The following COXFA4L2 variants were observed in gnomAD, a reference collection of about 807,000 sequenced individuals.
COXFA4L2 encodes the protein cytochrome c oxidase hypoxia associated subunit FA4L2.
chr12:57,235,657 C>T, the COXFA4L2 span: 1 of 1,613,776 alleles, frequency 6.2e-7, no homozygotes, highest in Non-Finnish European at 8.5e-7. Flanking sequence ...CTGAGTACCC[C>T]AAGCCTCCCT....
At chr12:57,235,613 C>T in the COXFA4L2 span, 4 of 1,614,054 alleles carry the variant, frequency 2.5e-6, no homozygotes, top group Admixed American at 5.0e-5. Context: ...GTGGAAACTG[C>T]AAGGAACTAA....
chr12:57,236,711 G>A, the COXFA4L2 span: 6 of 1,528,620 alleles, frequency 3.9e-6, no homozygotes, highest in Non-Finnish European at 5.3e-6. Flanking sequence ...CACTTTTGGG[G>A]TCAGCCCTCT....
At chr12:57,239,656 TTCTG>T in the COXFA4L2 span, 1 of 153,522 alleles carries the variant, frequency 6.5e-6, no homozygotes, top group Non-Finnish European at 1.4e-5. The surrounding 1 kb of genome is among the most constrained non-coding windows in gnomAD (Gnocchi z 5.5). Flanking sequence ...TCTTTCTGCC[TTCTG>T]TCTGCTTCCT....
the COXFA4L2 span, among the ~76,000 whole-genome samples, chr12:57,238,743 T>G: frequency 6.6e-6 from 1 of 152,206 alleles, no homozygotes; most frequent in Non-Finnish European, 1.5e-5. The surrounding 1 kb of genome is among the most constrained non-coding windows in gnomAD (Gnocchi z 6.8). Context: ...AAATTCTCCG[T>G]CGCGCTCCTT....
chr12:57,235,035 G>A, the COXFA4L2 span: 28 of 157,580 alleles, frequency 1.8e-4, no homozygotes, highest in Admixed American at 1.3e-3. Flanking sequence ...TGGCGGCAGC[G>A]GGAGGCAGTA....
At chr12:57,238,811 A>C in the COXFA4L2 span, among the ~76,000 whole-genome samples, 1 of 151,722 alleles carries the variant, frequency 6.6e-6, no homozygotes, top group Non-Finnish European at 1.5e-5. This position sits in a 1 kb window ranked among gnomAD's most constrained non-coding sequence, Gnocchi z 6.8. Context: ...ACCGAGATGC[A>C]ACGTTACATT....
the COXFA4L2 span, chr12:57,237,274 GGGGAA>G: frequency 1.4e-6 from 2 of 1,444,850 alleles, no homozygotes; most frequent in South Asian, 1.5e-5. Context: ...AAAGCCTGTA[GGGGAA>G]TTGTCTGGGA....
At chr12:57,237,785 GACTT>G in the COXFA4L2 span, 233 of 154,592 alleles carry the variant, frequency 1.5e-3, 1 homozygote, top group African/African-American at 5.4e-3. Flanking sequence ...AGGCTTGAGA[GACTT>G]GCTTGCTCTG....
the COXFA4L2 span, chr12:57,235,767 G>T: frequency 6.3e-7 from 1 of 1,584,736 alleles, no homozygotes; most frequent in African/African-American, 1.3e-5. Flanking sequence ...GGTCATTGGG[G>T]CTCAGGCGGT....
chr12:57,236,158 G>A, the COXFA4L2 span: 1 of 335,882 alleles, frequency 3.0e-6, no homozygotes, highest in Non-Finnish European at 5.4e-6. Context: ...GTGATGTGCC[G>A]GGAATTATAA....
chr12:57,236,384 AG>A, the COXFA4L2 span: 1 of 498,356 alleles, frequency 2.0e-6, no homozygotes, highest in Non-Finnish European at 3.5e-6. Flanking sequence ...TCCGCATTTC[AG>A]GGCGGGCCAA....
chr12:57,235,825 G>A, the COXFA4L2 span: 58,805 of 1,526,396 alleles, frequency 0.039, 1,350 homozygotes, highest in South Asian at 0.061. Flanking sequence ...GAGCAGGAGG[G>A]GGGAGGGTTA....
At chr12:57,236,077 T>C in the COXFA4L2 span, 9 of 398,760 alleles carry the variant, frequency 2.3e-5, no homozygotes, top group East Asian at 3.3e-4. Flanking sequence ...ACTTGCTGCC[T>C]GCCACCCTAG....
At chr12:57,235,665 C>T in the COXFA4L2 span, 2 of 1,613,536 alleles carry the variant, frequency 1.2e-6, no homozygotes, top group East Asian at 2.2e-5. Flanking sequence ...CCCAAGCCTC[C>T]CTTTGCTTCT....
the COXFA4L2 span, among the ~76,000 whole-genome samples, chr12:57,238,673 G>A: frequency 7.2e-5 from 11 of 152,238 alleles, no homozygotes; most frequent in Admixed American, 7.2e-4. The surrounding 1 kb of genome is among the most constrained non-coding windows in gnomAD (Gnocchi z 6.8). Context: ...TTTGCTCACA[G>A]GCCCTCGCCT....
chr12:57,235,493 C>A, the COXFA4L2 span: 11 of 1,525,804 alleles, frequency 7.2e-6, no homozygotes, highest in African/African-American at 1.4e-5. Flanking sequence ...TTGGGGCCTG[C>A]GGGGAGGAGT....
At chr12:57,235,265 A>G in the COXFA4L2 span, 1 of 528,754 alleles carries the variant, frequency 1.9e-6, no homozygotes, top group Admixed American at 3.2e-5. Context: ...ACACCCTTCG[A>G]GGCCCGGGTA....
At chr12:57,235,409 T>C in the COXFA4L2 span, 1 of 797,616 alleles carries the variant, frequency 1.3e-6, no homozygotes. Context: ...AGAGTAGGGG[T>C]GGAGCAGCCT....
the COXFA4L2 span, chr12:57,236,968 T>C: frequency 6.2e-7 from 1 of 1,603,672 alleles, no homozygotes; most frequent in Non-Finnish European, 8.5e-7. Context: ...CATTGGGGGA[T>C]TTGGAGGGTG....
Sources: allele counts gnomAD v4.1 joint callset (sites outside exome capture counted in the v4.1 genomes callset), GRCh38; gene constraint gnomAD v4.1.1; non-coding constraint Gnocchi (gnomAD v3.1); transcripts MANE v1.5; gene names NCBI Gene and HGNC (gene_info 2026-07-23, HGNC 2026-07-21).